Variants in GRIK4 observed in about 807,000 individuals in gnomAD.
GRIK4 encodes glutamate ionotropic receptor kainate type subunit 4, also known as glutamate receptor ionotropic, kainate 4.
GRIK4 carries 40 observed loss-of-function variants against 104.9 expected under a neutral mutation model. The observed-to-expected ratio is 0.38, with a 90% CI of 0.30 to 0.50. The LOEUF (loss-of-function observed/expected upper bound fraction) is 0.50, where lower values mean the gene tolerates loss of function less well. Ranked by LOEUF, GRIK4 falls within the 20% of genes least tolerant of loss-of-function variation. The pLI is 0.93. For synonymous variants in GRIK4, 485 were observed against 524.9 expected (o/e 0.92, Z 1.04); for missense variants, 1,047 against 1,308.1 (o/e 0.80, Z 3.08).
chr11:120,582,288 A>G (rs902223366), intron 1 of GRIK4, among the ~76,000 whole-genome samples: 2 of 151,028 alleles, frequency 1.3e-5, no homozygotes, highest in Non-Finnish European at 2.9e-5. Context: ...TATACATTAT[A>G]CGTATGTATA....
intron 13 of GRIK4, among the ~76,000 whole-genome samples, chr11:120,907,911 C>A (rs1942904969): frequency 1.3e-5 from 2 of 152,178 alleles, no homozygotes; most frequent in South Asian, 4.1e-4. Flanking sequence ...GTTGATGACA[C>A]TGGGACCCCA....
chr11:120,623,027 G>T (rs1456210028), intron 1 of GRIK4, among the ~76,000 whole-genome samples: 7 of 152,210 alleles, frequency 4.6e-5, no homozygotes, highest in African/African-American at 1.7e-4. Context: ...ATGGACTTGT[G>T]AATTTTTACA....
chr11:120,575,981 C>G (rs1375130196), intron 1 of GRIK4: 1 of 151,932 alleles, frequency 6.6e-6, no homozygotes, highest in Non-Finnish European at 1.5e-5. Context: ...AAATGCCATC[C>G]AGACGGCATC....
At position 120,903,025 on chromosome 11, in the gene GRIK4, G is replaced by A. The variant is rs1233066306; in HGVS notation, c.1273-2265G>A. Among the ~76,000 whole-genome samples the A allele has an allele frequency of 6.6e-6, 1 of 152,100 alleles. No individual in the cohort carries two copies. Among genetic ancestry groups the A allele is most frequent in the Non-Finnish European group, 1.5e-5 (1 of 68,028 alleles). On this transcript the variant is annotated intron_variant, in intron 12 of 20. Coordinates refer to ENST00000527524, the MANE Select transcript of GRIK4 (RefSeq NM_014619.5). This position sits in a 1 kb window ranked among gnomAD's most constrained non-coding sequence, Gnocchi z 4.4. ...CGCCCACATCCTGCTCTCCCTCACAGTCCCTCCATGACCTTGTGTCTGTCT... is the reference window on the plus strand; with the variant it reads ...CGCCCACATCCTGCTCTCCCTCACAATCCCTCCATGACCTTGTGTCTGTCT...
intron 1 of GRIK4, among the ~76,000 whole-genome samples, chr11:120,569,655 T>C (rs1022149000): frequency 2.6e-5 from 4 of 152,086 alleles, no homozygotes; most frequent in Admixed American, 6.6e-5. Flanking sequence ...TAGAGTGACT[T>C]TGGGGAGAAG....
chr11:120,789,658 C>G (rs1952357918), intron 3 of GRIK4, among the ~76,000 whole-genome samples: 2 of 152,130 alleles, frequency 1.3e-5, no homozygotes, highest in African/African-American at 4.8e-5. Context: ...CTTCAGGCCT[C>G]CATCCCAGTT....
intron 1 of GRIK4, among the ~76,000 whole-genome samples, chr11:120,512,465 G>A (rs1436154887): frequency 3.3e-4 from 50 of 151,938 alleles, no homozygotes; most frequent in Non-Finnish European, 1.5e-5. Flanking sequence ...ACTGGACTCG[G>A]GCCACCACCA....
At chr11:120,920,589 G>T (rs1408419530) in intron 13 of GRIK4, among the ~76,000 whole-genome samples, 2 of 151,844 alleles carry the variant, frequency 1.3e-5, no homozygotes, top group Non-Finnish European at 1.5e-5. Context: ...GGTTATATGC[G>T]CTGTTCCAAC....
chr11:120,725,810 T>G (rs1166729685), intron 3 of GRIK4, among the ~76,000 whole-genome samples: 1 of 152,226 alleles, frequency 6.6e-6, no homozygotes, highest in Non-Finnish European at 1.5e-5. Context: ...CCAGAGGCAT[T>G]TGGAAATACA....
At chr11:120,718,726 G>T (rs1347865190) in intron 3 of GRIK4, among the ~76,000 whole-genome samples, 1 of 152,232 alleles carries the variant, frequency 6.6e-6, no homozygotes, top group African/African-American at 2.4e-5. Context: ...CTGCCGCCTG[G>T]GAGGGCCAGC....
chr11:120,568,451 A>G (rs1302437797), intron 1 of GRIK4, among the ~76,000 whole-genome samples: 3 of 151,770 alleles, frequency 2.0e-5, no homozygotes, highest in Admixed American at 6.6e-5. Context: ...GCAGTGGCAT[A>G]ATCTTGGCCC....
intron 1 of GRIK4, among the ~76,000 whole-genome samples, chr11:120,572,491 G>A (rs994132233): frequency 1.3e-5 from 2 of 152,138 alleles, no homozygotes; most frequent in African/African-American, 4.8e-5. Context: ...TGGAGAGAGA[G>A]CATGCCTGTC....
intron 3 of GRIK4, among the ~76,000 whole-genome samples, chr11:120,696,932 T>G (rs565304663): frequency 2.0e-4 from 30 of 152,314 alleles, no homozygotes; most frequent in African/African-American, 7.2e-4. Context: ...AAGATATGAC[T>G]GTTGTGGGGC....
intron 1 of GRIK4, among the ~76,000 whole-genome samples, chr11:120,526,103 G>A (rs1250201624): frequency 6.6e-6 from 1 of 152,128 alleles, no homozygotes; most frequent in East Asian, 1.9e-4. Flanking sequence ...CTTGGCAGGG[G>A]GCCTGAGAAA....
chr11:120,719,147 A>T (rs887078917), intron 3 of GRIK4, among the ~76,000 whole-genome samples: 5 of 152,200 alleles, frequency 3.3e-5, no homozygotes. Flanking sequence ...GAAATCCAAC[A>T]AATCAGAGAT....
chr11:120,909,975 G>A (rs1942956028), intron 13 of GRIK4, among the ~76,000 whole-genome samples: 1 of 152,204 alleles, frequency 6.6e-6, no homozygotes, highest in Non-Finnish European at 1.5e-5. Context: ...AATGGGTCAT[G>A]AGCACTCTGC....
rs569201252 is a variant in GRIK4, at chr11:120,984,820, C to CT, written c.2515-1064dup. ...ACAAAAATGCAGGCCCATCTATATT[C>CT]TTTTTTTTTTTTTTTTTTTTGAGAT... On this transcript the variant is annotated intron_variant, in intron 20 of 20. Coordinates refer to ENST00000527524, the MANE Select transcript of GRIK4 (RefSeq NM_014619.5). 8.9e-3 allele frequency among the ~76,000 whole-genome samples: 1,028 copies of CT among 115,784 alleles called. 20 individuals are homozygous for CT. The highest frequency in any genetic ancestry group is 0.02 in the African/African-American group (629 of 30,740). 76.0% of individuals were successfully genotyped at this position (115,784 alleles called of 152,430 possible). A position where few individuals can be genotyped will look rare whatever the true frequency, so the allele number is the denominator to read the frequency against.
At chr11:120,619,312 C>T (rs568112837) in intron 1 of GRIK4, among the ~76,000 whole-genome samples, 1 of 152,184 alleles carries the variant, frequency 6.6e-6, no homozygotes. Flanking sequence ...AATGCCTATA[C>T]CCCCATTGCA....
intron 13 of GRIK4, among the ~76,000 whole-genome samples, chr11:120,915,311 C>T (rs894563501): frequency 6.6e-6 from 1 of 152,162 alleles, no homozygotes; most frequent in African/African-American, 2.4e-5. Context: ...TTGTGAGTTC[C>T]CAAAAGGTTC....
Sources: gnomAD v4.1 joint callset for allele counts (sites outside exome capture counted in the v4.1 genomes callset) on GRCh38, gnomAD v4.1.1 for gene constraint, Gnocchi (gnomAD v3.1) non-coding constraint, MANE v1.5 for transcripts, NCBI Gene and HGNC (gene_info 2026-07-23, HGNC 2026-07-21) for gene names.